The following MFSD12 variants were observed in gnomAD, a reference collection of about 807,000 sequenced individuals.
The protein encoded by MFSD12 is major facilitator superfamily domain containing 12.
MFSD12 carries 67 observed loss-of-function variants against 51.2 expected under a neutral mutation model. The ratio of observed to expected loss-of-function variants is 1.31; its 90% CI spans 1.08 to 1.60. The LOEUF is 1.60. Among genes scored for constraint, MFSD12 ranks in the 40% most tolerant of loss-of-function variants. The probability of loss-of-function intolerance (pLI) is 0.00; values close to 1 mark genes in which losing one functional copy is unlikely to be tolerated. For synonymous variants in MFSD12, 441 were observed against 316.7 expected (o/e 1.39, Z -4.17); for missense variants, 921 against 673.0 (o/e 1.37, Z -4.08).
chr19:3,554,218 C>T (rs1023083069), intron 1 of MFSD12, among the ~76,000 whole-genome samples: 15 of 152,060 alleles, frequency 9.9e-5, no homozygotes, highest in Non-Finnish European at 1.5e-4. Context: ...AGGCAGATCA[C>T]TTGAGGTCAG....
downstream of MFSD12, chr19:3,543,965 C>A (rs1039917724): frequency 1.0e-5 from 16 of 1,550,156 alleles, no homozygotes; most frequent in Non-Finnish European, 1.4e-5. Context: ...ACTGCCCCTC[C>A]ACCTGCCAGC....
In MFSD12 at chr19:3,538,693, G is replaced by A. The variant is rs571645723; in HGVS notation, c.*69C>T. 7 of 473,192 alleles carry A rather than the reference G, an allele frequency of 1.5e-5. No individual in the cohort carries two copies. The East Asian group carries it at 2.1e-4, about 14-fold the overall frequency. 29.3% of individuals were successfully genotyped at this position (473,192 alleles called of 1,614,324 possible). ...ATCCCCTCACCTTCACTGGGTGTTCGGTGTTCTCCGCCTCGGGCTGTCACA... is the reference window on the plus strand; with the variant it reads ...ATCCCCTCACCTTCACTGGGTGTTCAGTGTTCTCCGCCTCGGGCTGTCACA... On this transcript the variant is annotated 3_prime_UTR_variant, in exon 5 of 5. Transcript: ENST00000398558.
At position 3,544,237 on chromosome 19, in the gene MFSD12, A is replaced by G. The variant is rs2030737583; in HGVS notation, c.*473T>C. 2.1e-5 allele frequency: 27 copies of G among 1,314,518 alleles called. No homozygotes were observed. The highest frequency in any genetic ancestry group is 2.5e-5 in the Non-Finnish European group (26 of 1,033,390). 81.4% of individuals were successfully genotyped at this position (1,314,518 alleles called of 1,614,324 possible). A position where few individuals can be genotyped will look rare whatever the true frequency, so the allele number is the denominator to read the frequency against. On this transcript the variant is annotated 3_prime_UTR_variant, in exon 10 of 10. Coordinates refer to ENST00000355415, the MANE Select transcript of MFSD12 (RefSeq NM_174983.5). ...TTATTTGCTGCCAGCAGAGTCCACC[A>G]AGCCTGCCGGGCAGCCCTGCTGCCC...
chr19:3,550,642 G>A lies in MFSD12; in HGVS notation c.509+342C>T, dbSNP rs4396639. ...CCTGACCTCGTGATCTGCCCACCTCGGCCTCCCAAAGTGCTGGGATTACAG... is the reference window on the plus strand; with the variant it reads ...CCTGACCTCGTGATCTGCCCACCTCAGCCTCCCAAAGTGCTGGGATTACAG... On this transcript the variant is annotated intron_variant, in intron 2 of 9. Transcript: ENST00000355415. Among the ~76,000 whole-genome samples, 354 of 152,102 alleles carry A rather than the reference G, an allele frequency of 2.3e-3. 5 individuals are homozygous for A. Among genetic ancestry groups the A allele is most frequent in the East Asian group, 0.018 (93 of 5,160 alleles).
At chr19:3,538,714 TCACAAATCGTGCTGCTGTGAGC>T (rs772361683) in exon 5 of MFSD12, 1 of 475,552 alleles carries the variant, frequency 2.1e-6, no homozygotes, top group Non-Finnish European at 4.4e-6. Flanking sequence ...CCTCGGGCTG[TCACAAATCGTGCTGCTGTGAGC>T]CACTGCGTGC....
In MFSD12 at chr19:3,546,430, AG is replaced by A; in HGVS notation, c.1024-6del. 1.2e-6 allele frequency: 2 copies of A among 1,601,924 alleles called. No individual in the cohort carries two copies. The highest frequency in any genetic ancestry group is 1.7e-6 in the Non-Finnish European group (2 of 1,175,114). ...GAGGCCTGAGAAGTAGGTCATCTGC[AG>A]GGACAGCCCCGGGGTCAGGCCCACA... is the stretch of plus-strand genomic sequence containing the variant. On this transcript the variant is annotated splice_region_variant and splice_polypyrimidine_tract_variant and intron_variant, in intron 6 of 9. Transcript: ENST00000355415.
At position 3,544,500 on chromosome 19, in the gene MFSD12, G is replaced by C; in HGVS notation, c.*210C>G. 7.2e-7 allele frequency: 1 copy of C among 1,396,978 alleles called. No individual in the cohort carries two copies. Among genetic ancestry groups the C allele is most frequent in the South Asian group, 1.7e-5 (1 of 58,316 alleles). The allele number at this position is 1,396,978 out of a possible 1,614,324, so 86.5% of individuals were successfully genotyped here. On this transcript the variant is annotated 3_prime_UTR_variant, in exon 10 of 10. Coordinates refer to ENST00000355415, the MANE Select transcript of MFSD12 (RefSeq NM_174983.5). Reference sequence around the variant, plus strand: ...CTGGGATGGATTAGAGTTGAGAATGGGACACCCTCAAAACCCAGGGGGTCC... The same window carrying C: ...CTGGGATGGATTAGAGTTGAGAATGCGACACCCTCAAAACCCAGGGGGTCC...
chr19:3,543,916 G>A (rs1360198591), downstream of MFSD12: 6 of 1,550,876 alleles, frequency 3.9e-6, no homozygotes, highest in South Asian at 7.1e-5. Flanking sequence ...CGCCCGCCCG[G>A]CACCACCCAG....
downstream of MFSD12, among the ~76,000 whole-genome samples, chr19:3,541,233 G>C (rs1287512992): frequency 6.6e-6 from 1 of 151,742 alleles, no homozygotes; most frequent in Non-Finnish European, 1.5e-5. Flanking sequence ...CTACTTGGGA[G>C]GCTGAGGTAG....
At position 3,547,532 on chromosome 19, in the gene MFSD12, T is replaced by C. The variant is rs753445581; in HGVS notation, c.853A>G (p.Met285Val). 3 of 1,611,520 alleles carry C rather than the reference T, an allele frequency of 1.9e-6. No individual in the cohort carries two copies. The highest frequency in any genetic ancestry group is 2.2e-5 in the South Asian group (2 of 90,784). Residue 285 changes from methionine (M) to valine (V), a missense_variant, in exon 5 of 10, where the codon ATG becomes GTG. Coordinates refer to ENST00000355415, the MANE Select transcript of MFSD12 (RefSeq NM_174983.5). ...AGGTTCACGATGAGCCTGGTGGTCA[T>C]GTACAGTATGCCCACCTGTGGGCAG... ...PAFYQVGILY[M>V]TTRLIVNLSQ... is the part of the protein sequence containing the mutation.
At chr19:3,553,939 G>A (rs908199061) in intron 1 of MFSD12, among the ~76,000 whole-genome samples, 11 of 151,352 alleles carry the variant, frequency 7.3e-5, no homozygotes, top group African/African-American at 1.5e-4. Flanking sequence ...AAAATTAGCC[G>A]GGCATGGTGG....
At chr19:3,539,403 G>A (rs760013963), downstream of MFSD12, 17 of 608,256 alleles carry the variant, frequency 2.8e-5, no homozygotes, top group South Asian at 2.9e-4. Context: ...GTCCCCTCCA[G>A]CTCTTCCTGT....
At chr19:3,540,540 G>C (rs566556338), downstream of MFSD12, among the ~76,000 whole-genome samples, 109 of 151,742 alleles carry the variant, frequency 7.2e-4, 1 homozygote, top group East Asian at 0.021. Context: ...ACAGGCGTGA[G>C]GCACCGCGCC....
At chr19:3,544,171 C>A (rs1043955932), downstream of MFSD12, 1 of 1,371,156 alleles carries the variant, frequency 7.3e-7, no homozygotes, top group Non-Finnish European at 9.5e-7. Context: ...CTGCCCAGAG[C>A]CCCCCCGCAG....
downstream of MFSD12, chr19:3,543,480 G>GGC: frequency 3.0e-6 from 4 of 1,337,356 alleles, no homozygotes; most frequent in Non-Finnish European, 4.0e-6. Flanking sequence ...TCGGGTGAGT[G>GGC]CCCCCCCCCC....
chr19:3,556,652 G>A (rs1043835645), intron 1 of MFSD12, among the ~76,000 whole-genome samples: 3 of 151,744 alleles, frequency 2.0e-5, no homozygotes, highest in Non-Finnish European at 2.9e-5. Flanking sequence ...GGACAGGCAG[G>A]GGAGGCTCAG....
chr19:3,546,020 G>A lies in MFSD12; in HGVS notation c.1289+54C>T, dbSNP rs190359729. 310 of 1,577,616 alleles carry A rather than the reference G, an allele frequency of 2.0e-4. 2 individuals carry two copies. Among genetic ancestry groups the A allele is most frequent in the Admixed American group, 6.5e-4 (39 of 59,858 alleles). On this transcript the variant is annotated intron_variant, in intron 8 of 9. Transcript: ENST00000355415. Reference sequence around the variant, plus strand: ...GAACACTGCTGGACACACAGCAGGCGCTTAATCCCCTCTTACTGAACAAAA... The same window carrying A: ...GAACACTGCTGGACACACAGCAGGCACTTAATCCCCTCTTACTGAACAAAA...
At chr19:3,548,352 C>T (rs923496046) in intron 2 of MFSD12, 85 bp from the exon 3 acceptor site, 17 of 1,502,486 alleles carry the variant, frequency 1.1e-5, no homozygotes, top group African/African-American at 4.2e-5. Context: ...TCAGAGAGGC[C>T]TGGGGAACCC....
At chr19:3,548,071 C>G (rs778343560) in intron 3 of MFSD12, 41 bp from the exon 4 acceptor site, 3 of 1,600,544 alleles carry the variant, frequency 1.9e-6, no homozygotes, top group Admixed American at 1.7e-5. Context: ...GCGGGCCCAG[C>G]CCCCGCCCCT....
Sources: allele counts gnomAD v4.1 joint callset (sites outside exome capture counted in the v4.1 genomes callset), GRCh38; gene constraint gnomAD v4.1.1; transcripts MANE v1.5; gene names NCBI Gene and HGNC (gene_info 2026-07-23, HGNC 2026-07-21).